The following PTPRK variants were observed in gnomAD, a reference collection of about 807,000 sequenced individuals.
PTPRK encodes the protein protein tyrosine phosphatase receptor type K, also known as receptor-type tyrosine-protein phosphatase kappa.
Under a neutral mutation model 178.0 loss-of-function variants are expected in PTPRK, and 75 were observed. The ratio of observed to expected loss-of-function variants is 0.42; its 90% confidence interval spans 0.35 to 0.51. PTPRK has a LOEUF of 0.51. Ranked by LOEUF, PTPRK falls within the 20% of genes least tolerant of loss-of-function variation. PTPRK has a pLI of 0.02. For missense variants in PTPRK, 1,441 were observed against 1,797.8 expected (o/e 0.80, Z 3.59); for synonymous variants, 637 against 620.6 (o/e 1.03, Z -0.39).
intron 7 of PTPRK, among the ~76,000 whole-genome samples, chr6:128,147,396 T>G (rs562298655): frequency 1.3e-5 from 2 of 152,288 alleles, no homozygotes; most frequent in African/African-American, 4.8e-5. Context: ...ATAGCAAAAC[T>G]TTAATTCTTC....
rs1831820326 is a variant in PTPRK at position 128,342,594 on chromosome 6, C to T, written c.224-20284G>A. On this transcript the variant is annotated intron_variant, in intron 2 of 29. Coordinates refer to ENST00000368226, the MANE Select transcript of PTPRK (RefSeq NM_002844.4). ...AAAAAAGGCTCATTATGTAGTTATACCTCTGTCCCATCACCACCCTGAATA... is the reference window on the plus strand; with the variant it reads ...AAAAAAGGCTCATTATGTAGTTATATCTCTGTCCCATCACCACCCTGAATA... Among the ~76,000 whole-genome samples the T allele has an allele frequency of 2.0e-5, 3 of 150,776 alleles. No individual in the cohort carries two copies. The South Asian group carries it at 6.3e-4, about 32-fold the overall frequency.
chr6:128,138,117 T>C (rs1187546630), intron 7 of PTPRK, among the ~76,000 whole-genome samples: 2 of 152,114 alleles, frequency 1.3e-5, no homozygotes, highest in Non-Finnish European at 2.9e-5. Context: ...AGAGCTAATA[T>C]ATACCTGGTC....
chr6:128,017,254 A>C (rs1295955348), intron 13 of PTPRK, among the ~76,000 whole-genome samples: 1 of 152,016 alleles, frequency 6.6e-6, no homozygotes, highest in African/African-American at 2.4e-5. Context: ...GCATCTTGTT[A>C]ATCTTTATGA....
At position 127,995,212 on chromosome 6, in the gene PTPRK, T is replaced by C. The variant is rs138449444; in HGVS notation, c.2844+250A>G. 7 of 1,554,994 alleles carry C rather than the reference T, an allele frequency of 4.5e-6. No homozygotes were observed. The African/African-American group carries it at 5.4e-5, about 12-fold the overall frequency. ...CTGTAATTAAGAATGTTTGTATTTA[T>C]AATAGGGTGCTGTTATTTACATATA... On this transcript the variant is annotated intron_variant, in intron 18 of 29. Transcript: ENST00000368226.
At chr6:128,148,384 T>G (rs536943841) in intron 7 of PTPRK, among the ~76,000 whole-genome samples, 10 of 152,292 alleles carry the variant, frequency 6.6e-5, no homozygotes, top group African/African-American at 2.4e-4. Context: ...TGTAAAATGC[T>G]ATGCAAAGCA....
At chr6:128,418,930 C>T (rs986410658) in intron 1 of PTPRK, among the ~76,000 whole-genome samples, 3 of 152,212 alleles carry the variant, frequency 2.0e-5, no homozygotes, top group Admixed American at 1.3e-4. Context: ...CTCTGTAAAG[C>T]ACTCTATTGT....
intron 12 of PTPRK, 86 bp downstream of exon 12, chr6:128,067,432 TC>T: frequency 1.5e-6 from 2 of 1,335,006 alleles, no homozygotes; most frequent in Non-Finnish European, 9.9e-7. Flanking sequence ...TTTTTTTTTT[TC>T]TTGACGGATG....
chr6:127,983,012 C>G (rs531818121), intron 23 of PTPRK, 32 bp from the exon 24 acceptor site: 5 of 1,579,874 alleles, frequency 3.2e-6, no homozygotes, highest in East Asian at 4.5e-5. Flanking sequence ...AAATTTTGTA[C>G]TAGTTTTAGT....
rs899803566 is a variant in PTPRK at position 128,236,894 on chromosome 6, C to G, written c.693+3141G>C. On this transcript the variant is annotated intron_variant, in intron 5 of 29. Transcript: ENST00000368226. ...TTCCCTATAGATACTTTCAGAACTA[C>G]CATGATATGCATTATGAAATTATCC... Among the ~76,000 whole-genome samples the G allele has an allele frequency of 9.2e-5, 14 of 152,252 alleles. No homozygotes were observed. In the South Asian group the frequency reaches 2.7e-3, roughly 29 times the overall value.
intron 1 of PTPRK, among the ~76,000 whole-genome samples, chr6:128,447,123 A>G (rs536118952): frequency 1.3e-5 from 2 of 152,118 alleles, no homozygotes; most frequent in Non-Finnish European, 2.9e-5. Context: ...AGATAGCATC[A>G]CTCTCTATGA....
intron 3 of PTPRK, among the ~76,000 whole-genome samples, chr6:128,282,950 G>A (rs1393956763): frequency 6.6e-6 from 1 of 152,100 alleles, no homozygotes; most frequent in Non-Finnish European, 1.5e-5. Flanking sequence ...AGATTAGAGG[G>A]CAGAATAAGT....
chr6:128,205,405 T>C (rs2128261042), intron 6 of PTPRK, among the ~76,000 whole-genome samples: 1 of 152,126 alleles, frequency 6.6e-6, no homozygotes, highest in Middle Eastern at 3.4e-3. Context: ...CCTGCACATG[T>C]ACCCCTGAAC....
intron 3 of PTPRK, among the ~76,000 whole-genome samples, chr6:128,314,840 TA>T (rs1187331995): frequency 0.019 from 2,625 of 139,516 alleles, 51 homozygotes; most frequent in African/African-American, 0.053. Flanking sequence ...CACCACTATT[TA>T]AAAAAAAAAA....
intron 2 of PTPRK, among the ~76,000 whole-genome samples, chr6:128,393,559 G>A (rs1000066305): frequency 7.2e-5 from 11 of 152,160 alleles, no homozygotes; most frequent in Non-Finnish European, 1.2e-4. Flanking sequence ...CAGGTAGAAC[G>A]TGAGAAGACA....
intron 7 of PTPRK, among the ~76,000 whole-genome samples, chr6:128,152,949 C>T (rs1278450239): frequency 6.6e-6 from 1 of 151,886 alleles, no homozygotes; most frequent in East Asian, 1.9e-4. Flanking sequence ...GTCTGGAACT[C>T]AAACATCTGC....
chr6:127,999,246 G>A (rs973177877), intron 15 of PTPRK, among the ~76,000 whole-genome samples: 2 of 152,022 alleles, frequency 1.3e-5, no homozygotes, highest in Non-Finnish European at 2.9e-5. Flanking sequence ...AGAGGACCCA[G>A]CTGTCAAGTG....
chr6:128,149,186 G>T (rs1483281287), intron 7 of PTPRK, among the ~76,000 whole-genome samples: 2 of 107,538 alleles, frequency 1.9e-5, no homozygotes, highest in African/African-American at 7.1e-5. Flanking sequence ...GGAGGGGGGA[G>T]GGATAGCCCT....
intron 17 of PTPRK, among the ~76,000 whole-genome samples, chr6:127,996,612 C>T (rs1294966147): frequency 1.3e-5 from 2 of 152,114 alleles, no homozygotes; most frequent in African/African-American, 2.4e-5. Flanking sequence ...ACCAGGATTA[C>T]AGGTGCGTGC....
At chr6:128,296,062 A>C (rs1468519073) in intron 3 of PTPRK, among the ~76,000 whole-genome samples, 1 of 152,084 alleles carries the variant, frequency 6.6e-6, no homozygotes, top group African/African-American at 2.4e-5. Context: ...GTCAAGGGCA[A>C]GTCCTTCGAA....
Sources: gnomAD v4.1 joint callset for allele counts (sites outside exome capture counted in the v4.1 genomes callset) on GRCh38, gnomAD v4.1.1 for gene constraint, MANE v1.5 for transcripts, NCBI Gene and HGNC (gene_info 2026-07-23, HGNC 2026-07-21) for gene names.